Variants in MACROD2 observed in about 807,000 individuals in gnomAD.
MACROD2 encodes the protein mono-ADP ribosylhydrolase 2, also known as ADP-ribose glycohydrolase MACROD2.
In MACROD2, 36 loss-of-function variants were observed where a neutral mutation model predicts 70.4. That is an observed-to-expected ratio of 0.51 (90% CI 0.39 to 0.68). The LOEUF is 0.68. Among genes scored for constraint, MACROD2 ranks in the 30% least tolerant of loss-of-function variants. MACROD2 has a pLI of 0.00. For missense variants in MACROD2, 496 were observed against 538.4 expected, an observed-to-expected ratio of 0.92 and a Z score of 0.78; for synonymous variants, 172 against 178.8, an observed-to-expected ratio of 0.96 and a Z score of 0.30.
chr20:15,146,852 A>C (rs1404426869), intron 5 of MACROD2, among the ~76,000 whole-genome samples: 1 of 152,156 alleles, frequency 6.6e-6, no homozygotes, highest in Non-Finnish European at 1.5e-5. Flanking sequence ...AAGACAAGCA[A>C]AAAGTGATAG....
intron 8 of MACROD2, among the ~76,000 whole-genome samples, chr20:15,639,637 C>T (rs754903627): frequency 6.6e-6 from 1 of 152,184 alleles, no homozygotes; most frequent in Non-Finnish European, 1.5e-5. Flanking sequence ...GGGTATCTCT[C>T]CAGCCCTGAA....
chr20:15,005,016 G>C (rs981861108), intron 5 of MACROD2, among the ~76,000 whole-genome samples: 1 of 152,086 alleles, frequency 6.6e-6, no homozygotes, highest in African/African-American at 2.4e-5. Flanking sequence ...CTTTCTAGGT[G>C]GAACAACAAT....
At chr20:16,012,507 G>A (rs971202619) in intron 15 of MACROD2, among the ~76,000 whole-genome samples, 1 of 152,186 alleles carries the variant, frequency 6.6e-6, no homozygotes, top group Non-Finnish European at 1.5e-5. Flanking sequence ...AGCCAAGATG[G>A]ATAAATCCTT....
intron 9 of MACROD2, among the ~76,000 whole-genome samples, chr20:15,885,209 T>C (rs1351442751): frequency 6.6e-6 from 1 of 152,074 alleles, no homozygotes; most frequent in Non-Finnish European, 1.5e-5. Flanking sequence ...GGGATTATAC[T>C]GGGAGATGAT....
chr20:15,443,942 G>A (rs757136130), intron 7 of MACROD2, among the ~76,000 whole-genome samples: 1 of 152,112 alleles, frequency 6.6e-6, no homozygotes, highest in Non-Finnish European at 1.5e-5. Context: ...AATAAAAATA[G>A]AGCCTAATCT....
intron 6 of MACROD2, among the ~76,000 whole-genome samples, chr20:15,351,827 AT>A (rs979652435): frequency 1.2e-4 from 19 of 152,150 alleles, no homozygotes; most frequent in Non-Finnish European, 2.2e-4. Flanking sequence ...CATGCCAAAC[AT>A]TTTTTTAGGC....
At chr20:15,465,432 A>G (rs1358696980) in intron 7 of MACROD2, among the ~76,000 whole-genome samples, 1 of 152,264 alleles carries the variant, frequency 6.6e-6, no homozygotes, top group Non-Finnish European at 1.5e-5. Flanking sequence ...AAGAGCTTTC[A>G]GGTGTCCTGG....
At chr20:14,692,715 C>G (rs892727453) in intron 5 of MACROD2, among the ~76,000 whole-genome samples, 20 of 152,162 alleles carry the variant, frequency 1.3e-4, no homozygotes, top group Non-Finnish European at 2.2e-4. Flanking sequence ...TCTCTGTTAT[C>G]CCATCACCAA....
chr20:14,798,725 G>A (rs763148794), intron 5 of MACROD2, among the ~76,000 whole-genome samples: 1 of 151,860 alleles, frequency 6.6e-6, no homozygotes. Context: ...GTTTATTTTA[G>A]TTTGATGTAT....
intron 8 of MACROD2, among the ~76,000 whole-genome samples, chr20:15,852,442 T>A (rs949701424): frequency 3.3e-5 from 5 of 152,234 alleles, no homozygotes; most frequent in Non-Finnish European, 7.3e-5. Flanking sequence ...TGAGAGTTTG[T>A]GGATTATAAA....
intron 3 of MACROD2, among the ~76,000 whole-genome samples, chr20:14,238,082 A>G (rs994016044): frequency 6.6e-6 from 1 of 152,154 alleles, no homozygotes. Context: ...GCTGGGTCAA[A>G]TGGTCTTTCT....
intron 3 of MACROD2, among the ~76,000 whole-genome samples, chr20:14,157,348 G>T (rs372824987): frequency 3.0e-4 from 45 of 152,182 alleles, no homozygotes; most frequent in African/African-American, 8.4e-4. Flanking sequence ...TCAAGTCAGG[G>T]TGTTTGGGGT....
Position 14,249,522 on chromosome 20 carries a change from G to A in MACROD2, c.271+163794G>A, listed in dbSNP as rs187477065. ...AGTTGCAGCACTTGAGGGTTGGAGA[G>A]GGACCACAGGGGGTCACAGAGCTAT... On this transcript the variant is annotated intron_variant, in intron 3 of 17. Coordinates refer to ENST00000684519, the MANE Select transcript of MACROD2 (RefSeq NM_001351661.2). Among the ~76,000 whole-genome samples, 13 of 152,078 alleles carry A rather than the reference G, an allele frequency of 8.5e-5. No individual in the cohort carries two copies. In the East Asian group the frequency reaches 2.3e-3, roughly 27 times the overall value.
intron 6 of MACROD2, among the ~76,000 whole-genome samples, chr20:15,363,940 C>T (rs910425731): frequency 5.9e-5 from 9 of 152,214 alleles, no homozygotes; most frequent in African/African-American, 1.9e-4. Flanking sequence ...GTTTTGCTTA[C>T]GTTTTTATTG....
chr20:15,844,019 G>T (rs900878687), intron 8 of MACROD2, among the ~76,000 whole-genome samples: 3 of 151,548 alleles, frequency 2.0e-5, no homozygotes, highest in African/African-American at 7.3e-5. Context: ...CCACCTCACT[G>T]TAGTATTCTC....
At chr20:14,796,481 T>A (rs942116638) in intron 5 of MACROD2, among the ~76,000 whole-genome samples, 4 of 152,100 alleles carry the variant, frequency 2.6e-5, no homozygotes, top group Admixed American at 2.0e-4. Context: ...GAAATATAGT[T>A]TACTTATTCG....
intron 4 of MACROD2, among the ~76,000 whole-genome samples, chr20:14,499,410 G>C (rs921853910): frequency 1.1e-4 from 17 of 152,072 alleles, no homozygotes; most frequent in Admixed American, 2.6e-4. Flanking sequence ...GTGCATGCCT[G>C]TGGTCCCAGC....
intron 5 of MACROD2, among the ~76,000 whole-genome samples, chr20:14,811,976 G>A (rs1417555506): frequency 2.0e-5 from 3 of 152,104 alleles, no homozygotes; most frequent in Admixed American, 6.6e-5. Context: ...TACACTGTTC[G>A]TGGGAGTGTA....
chr20:14,222,644 A>T (rs2081686792), intron 3 of MACROD2, among the ~76,000 whole-genome samples: 1 of 152,290 alleles, frequency 6.6e-6, no homozygotes, highest in East Asian at 1.9e-4. Flanking sequence ...ACAAATTTTT[A>T]AAAAGGCAAA....
Sources: allele counts gnomAD v4.1 joint callset (sites outside exome capture counted in the v4.1 genomes callset), GRCh38; gene constraint gnomAD v4.1.1; transcripts MANE v1.5; gene names NCBI Gene and HGNC (gene_info 2026-07-23, HGNC 2026-07-21).